Variants in NARF observed in about 807,000 individuals in gnomAD.
The protein encoded by NARF is iron-only hydrogenase-like protein 2.
NARF carries 41 observed loss-of-function variants against 48.0 expected under a neutral mutation model. The observed-to-expected ratio is 0.85, with a 90% CI of 0.66 to 1.11. The LOEUF is 1.11. NARF is among the 50% of genes least tolerant of loss of function. The pLI, the probability that NARF is intolerant of heterozygous loss-of-function variation, is 0.00. For synonymous variants in NARF, 215 were observed against 225.5 expected (o/e 0.95, Z 0.42); for missense variants, 613 against 590.2 (o/e 1.04, Z -0.40).
intron 5 of NARF, among the ~76,000 whole-genome samples, chr17:82,475,891 A>G (rs923145833): frequency 6.6e-6 from 1 of 152,268 alleles, no homozygotes; most frequent in South Asian, 2.1e-4. Context: ...AAGGAAATCA[A>G]CAAATGTAAG....
In NARF at chr17:82,488,341, C is replaced by A; in HGVS notation, c.*184C>A. On this transcript the variant is annotated 3_prime_UTR_variant, in exon 11 of 11. Coordinates refer to ENST00000309794, the MANE Select transcript of NARF (RefSeq NM_012336.4). The stretch of plus-strand genomic sequence containing the variant: ...GCCCCTCAGGCAGTTTCATGTGGTG[C>A]TATCTTCATAATAGGTGTGGGATTG... 3.4e-6 allele frequency: 3 copies of A among 893,468 alleles called. No homozygotes were observed. Among genetic ancestry groups the A allele is most frequent in the Non-Finnish European group, 4.9e-6 (3 of 612,572 alleles). The allele number at this position is 893,468 out of a possible 1,614,324, so 55.3% of individuals were successfully genotyped here.
At chr17:82,485,037 C>G in intron 9 of NARF, 87 bp downstream of exon 9, 1 of 1,438,674 alleles carries the variant, frequency 7.0e-7, no homozygotes, top group Middle Eastern at 2.5e-4. Context: ...TGTGGCGGTT[C>G]TATGGATGGA....
upstream of NARF, chr17:82,458,449 C>G (rs1265290962): frequency 3.9e-6 from 1 of 254,246 alleles, no homozygotes; most frequent in Non-Finnish European, 7.5e-6. Context: ...TGGCCGCCGC[C>G]GCCGCCGCAG....
intron 7 of NARF, 128 bp downstream of exon 7, chr17:82,481,339 T>C (rs1283418063): frequency 2.1e-6 from 3 of 1,408,108 alleles, no homozygotes; most frequent in African/African-American, 2.9e-5. Flanking sequence ...TTGTCTGAAG[T>C]TACTGACAGC....
rs1056868147 is a variant in NARF, at chr17:82,480,331, A to G, written c.640-751A>G. ...CACACACTCACTCAGGCCTCCTGCA[A>G]TGGCTCCATGCTGGACCAGCAACAG... is the stretch of plus-strand genomic sequence containing the variant. On this transcript the variant is annotated intron_variant, in intron 6 of 10. Coordinates refer to ENST00000309794, the MANE Select transcript of NARF (RefSeq NM_012336.4). 1.3e-4 allele frequency: 52 copies of G among 400,996 alleles called. 1 individual carries two copies. The highest frequency in any genetic ancestry group is 1.2e-3 in the East Asian group (35 of 28,052). The allele number at this position is 400,996 out of a possible 1,614,324, so 24.8% of individuals were successfully genotyped here. A position where few individuals can be genotyped will look rare whatever the true frequency, so the allele number is the denominator to read the frequency against.
At chr17:82,468,160 A>C (rs1384760886) in intron 3 of NARF, among the ~76,000 whole-genome samples, 1 of 152,108 alleles carries the variant, frequency 6.6e-6, no homozygotes, top group Admixed American at 6.6e-5. Context: ...AAAGACAAAA[A>C]ATTAGCTGGG....
In NARF at chr17:82,458,761, C is replaced by T. The variant is rs897261086; in HGVS notation, c.-43C>T. 5 of 1,479,126 alleles carry T rather than the reference C, an allele frequency of 3.4e-6. No individual in the cohort carries two copies. The highest frequency in any genetic ancestry group is 4.5e-6 in the Non-Finnish European group (5 of 1,120,764). The allele number at this position is 1,479,126 out of a possible 1,614,324, so 91.6% of individuals were successfully genotyped here. A position where few individuals can be genotyped will look rare whatever the true frequency, so the allele number is the denominator to read the frequency against. On this transcript the variant is annotated 5_prime_UTR_variant, in exon 1 of 11. Coordinates refer to ENST00000309794, the MANE Select transcript of NARF (RefSeq NM_012336.4). ...GTGGTGTCCCAGTCTCCCGGTGCTT[C>T]CCTGAGGCTGAGGCGCCCGGCCTCC...
intron 1 of NARF, chr17:82,459,283 A>G (rs2143805926): frequency 1.5e-6 from 1 of 660,284 alleles, no homozygotes; most frequent in Non-Finnish European, 1.9e-6. Flanking sequence ...AGGCCATGGC[A>G]ACAACCGCGC....
intron 10 of NARF, 120 bp from the exon 11 acceptor site, chr17:82,487,796 A>AG: frequency 4.9e-6 from 4 of 819,916 alleles, no homozygotes; most frequent in African/African-American, 1.8e-5. Context: ...CCCAATCTCT[A>AG]CAAAAAATTT....
At chr17:82,467,664 C>A (rs557846936) in intron 3 of NARF, among the ~76,000 whole-genome samples, 1 of 152,028 alleles carries the variant, frequency 6.6e-6, no homozygotes, top group South Asian at 2.1e-4. Flanking sequence ...GCCACCACAC[C>A]CAGCTAATTT....
chr17:82,485,248 T>C (rs949831959), intron 9 of NARF, among the ~76,000 whole-genome samples: 6 of 151,994 alleles, frequency 3.9e-5, no homozygotes, highest in East Asian at 1.9e-4. Flanking sequence ...AGTGAAACCC[T>C]ATCTCTACTA....
At chr17:82,468,012 C>G (rs1368461364) in intron 3 of NARF, among the ~76,000 whole-genome samples, 2 of 152,106 alleles carry the variant, frequency 1.3e-5, no homozygotes, top group African/African-American at 4.8e-5. Flanking sequence ...AGTCTTGTCT[C>G]TTTTAAGACA....
At chr17:82,478,734 C>A in intron 5 of NARF, 66 bp from the exon 6 acceptor site, 2 of 1,481,700 alleles carry the variant, frequency 1.3e-6, no homozygotes, top group South Asian at 1.1e-5. Flanking sequence ...TCAGCATTCC[C>A]TGGTGCGTTA....
rs1303567272 is a variant in NARF, at chr17:82,459,030, C to T, written c.27+200C>T. 9 of 1,208,044 alleles carry T rather than the reference C, an allele frequency of 7.5e-6. No individual in the cohort carries two copies. In the East Asian group the frequency reaches 2.7e-4, roughly 36 times the overall value. 74.8% of individuals were successfully genotyped at this position (1,208,044 alleles called of 1,614,324 possible). ...CGCTCTGCAGGGCGGGTTCGGTCTT[C>T]GCGGTTCTCCCTGAACTTGTCCATC... On this transcript the variant is annotated intron_variant, in intron 1 of 10. Coordinates refer to ENST00000309794, the MANE Select transcript of NARF (RefSeq NM_012336.4).
chr17:82,480,154 G>A (rs2043927240), intron 6 of NARF, among the ~76,000 whole-genome samples: 1 of 152,216 alleles, frequency 6.6e-6, no homozygotes, highest in Non-Finnish European at 1.5e-5. Flanking sequence ...CTTGGCAACT[G>A]CTGGCTCCTG....
intron 2 of NARF, among the ~76,000 whole-genome samples, chr17:82,462,254 A>C (rs1338360505): frequency 3.9e-5 from 6 of 151,928 alleles, no homozygotes; most frequent in African/African-American, 1.5e-4. Flanking sequence ...TCAGGGTGGG[A>C]GTGTAGGGAA....
Position 82,459,919 on chromosome 17 carries a change from G to C in NARF, c.28-73G>C, listed in dbSNP as rs143558028. 651 of 1,084,156 alleles carry C rather than the reference G, an allele frequency of 6.0e-4. 6 individuals are homozygous for C. In the Admixed American group the frequency reaches 7.1e-3, roughly 12 times the overall value. The allele number at this position is 1,084,156 out of a possible 1,614,324, so 67.2% of individuals were successfully genotyped here. A position where few individuals can be genotyped will look rare whatever the true frequency, so the allele number is the denominator to read the frequency against. On this transcript the variant is annotated intron_variant, in intron 1 of 10. Coordinates refer to ENST00000309794, the MANE Select transcript of NARF (RefSeq NM_012336.4). The stretch of plus-strand genomic sequence containing the variant: ...AGGATAGAAATACATGAGCTTCATT[G>C]GTCAGAATGTGCACATTTTCTTAAG...
intron 2 of NARF, chr17:82,463,300 T>C (rs1445834483): frequency 6.6e-6 from 1 of 152,236 alleles, no homozygotes; most frequent in East Asian, 1.9e-4. Flanking sequence ...CTGTGTGCAG[T>C]ACCTCTTGGA....
chr17:82,464,031 G>T (rs766504377), intron 2 of NARF: 2 of 432,122 alleles, frequency 4.6e-6, no homozygotes, highest in African/African-American at 2.0e-5. Flanking sequence ...CAGTGCTAGG[G>T]CTGGGTTCCA....
Sources: allele counts gnomAD v4.1 joint callset (sites outside exome capture counted in the v4.1 genomes callset), GRCh38; gene constraint gnomAD v4.1.1; transcripts MANE v1.5; gene names NCBI Gene and HGNC (gene_info 2026-07-23, HGNC 2026-07-21).